The following SLC45A4 variants were observed in gnomAD, a reference collection of about 807,000 sequenced individuals.
The protein encoded by SLC45A4 is solute carrier family 45 member 4.
Under a neutral mutation model 63.7 loss-of-function variants are expected in SLC45A4, and 32 were observed. The observed-to-expected ratio is 0.50, with a 90% CI of 0.38 to 0.67. The LOEUF (loss-of-function observed/expected upper bound fraction) is 0.67. Among genes scored for constraint, SLC45A4 ranks in the 30% least tolerant of loss-of-function variants. SLC45A4 has a pLI of 0.00. For synonymous variants in SLC45A4, 535 were observed against 510.0 expected (o/e 1.05, Z -0.66); for missense variants, 1,027 against 1,157.7 (o/e 0.89, Z 1.64).
intron 1 of SLC45A4, among the ~76,000 whole-genome samples, chr8:141,304,579 GGA>G (rs1236776714): frequency 6.7e-6 from 1 of 148,454 alleles, no homozygotes; most frequent in African/African-American, 2.5e-5. Context: ...AAAAAGGGGG[GGA>G]GAGAGAGAAC....
At chr8:141,279,829 G>A (rs1829868729) in intron 1 of SLC45A4, among the ~76,000 whole-genome samples, 1 of 152,256 alleles carries the variant, frequency 6.6e-6, no homozygotes, top group Non-Finnish European at 1.5e-5. Flanking sequence ...TGTAAACAGT[G>A]CCTCAGTTTA....
chr8:141,269,046 C>T (rs1374359670), intron 1 of SLC45A4, among the ~76,000 whole-genome samples: 2 of 152,232 alleles, frequency 1.3e-5, no homozygotes, highest in Non-Finnish European at 2.9e-5. Flanking sequence ...TGGGGCTCCA[C>T]CCCAGACCCA....
chr8:141,272,967 C>A (rs374271490), intron 1 of SLC45A4, among the ~76,000 whole-genome samples: 14 of 152,264 alleles, frequency 9.2e-5, no homozygotes, highest in South Asian at 4.1e-4. Context: ...AAATAAGACA[C>A]CTTTTTAAAC....
intron 7 of SLC45A4, among the ~76,000 whole-genome samples, chr8:141,214,192 C>CAAAAA (rs11292288): frequency 1.3e-5 from 1 of 74,334 alleles, no homozygotes; most frequent in Non-Finnish European, 3.1e-5. Context: ...ACTCTGTCTC[C>CAAAAA]AAAAAAAAAA....
chr8:141,276,751 C>T (rs1275692714), intron 1 of SLC45A4, among the ~76,000 whole-genome samples: 2 of 152,218 alleles, frequency 1.3e-5, no homozygotes, highest in Non-Finnish European at 2.9e-5. Flanking sequence ...CTGAAAGAGA[C>T]CACAGGACAT....
intron 8 of SLC45A4, chr8:141,211,948 T>A (rs1294701911): frequency 7.9e-7 from 1 of 1,269,426 alleles, no homozygotes; most frequent in Non-Finnish European, 9.9e-7. Flanking sequence ...TTAAAAAAAA[T>A]ATTTCAAATG....
intron 2 of SLC45A4, among the ~76,000 whole-genome samples, chr8:141,237,797 C>T (rs1356292755): frequency 6.6e-6 from 1 of 152,190 alleles, no homozygotes; most frequent in African/African-American, 2.4e-5. Flanking sequence ...TCCAAGTGAG[C>T]TGGAGGCCTC....
chr8:141,241,697 C>T (rs1208733183), intron 2 of SLC45A4, among the ~76,000 whole-genome samples: 1 of 152,126 alleles, frequency 6.6e-6, no homozygotes, highest in Non-Finnish European at 1.5e-5. Context: ...GGTGGGCTGT[C>T]TCTCCCTTCA....
At chr8:141,305,298 G>A (rs1415239800) in intron 1 of SLC45A4, among the ~76,000 whole-genome samples, 1 of 152,174 alleles carries the variant, frequency 6.6e-6, no homozygotes, top group African/African-American at 2.4e-5. Context: ...CACTGCAGAC[G>A]CCTGCTTTTG....
intron 1 of SLC45A4, among the ~76,000 whole-genome samples, chr8:141,266,214 GTGC>G (rs1173246858): frequency 6.6e-6 from 1 of 152,158 alleles, no homozygotes; most frequent in African/African-American, 2.4e-5. Flanking sequence ...CCACAAACGT[GTGC>G]TGCCCCTTTC....
At chr8:141,269,074 A>C (rs1218354242) in intron 1 of SLC45A4, among the ~76,000 whole-genome samples, 1 of 152,204 alleles carries the variant, frequency 6.6e-6, no homozygotes, top group East Asian at 1.9e-4. Flanking sequence ...AGAGACCAAG[A>C]GTCTGCACTG....
At position 141,211,633 on chromosome 8, in the gene SLC45A4, C is replaced by T. The variant is rs918484694; in HGVS notation, c.2366G>A (p.Ser789Asn). 1 of 1,611,710 alleles carries T rather than the reference C, an allele frequency of 6.2e-7. No homozygotes were observed. Among genetic ancestry groups the T allele is most frequent in the African/African-American group, 1.3e-5 (1 of 74,834 alleles). Residue 789 changes from serine to asparagine, a missense_variant, in exon 9 of 9, where the codon AGT becomes AAT. By Grantham distance (46) the Ser-to-Asn change is conservative (BLOSUM62 1). Transcript: ENST00000517878. ...SHWLVPQLLE[S>N]IFLYDYFRKK... is the part of the protein sequence containing the mutation. ...TCTAAAATAATCATAAAGAAAAATACTCTCCAACAGCTGCGGCACCAGCCA... is the reference window on the plus strand; with the variant it reads ...TCTAAAATAATCATAAAGAAAAATATTCTCCAACAGCTGCGGCACCAGCCA...
intron 1 of SLC45A4, among the ~76,000 whole-genome samples, chr8:141,285,515 G>A (rs1830105347): frequency 6.6e-6 from 1 of 152,188 alleles, no homozygotes; most frequent in Non-Finnish European, 1.5e-5. Flanking sequence ...CAAGACCAGG[G>A]GTATAAACCG....
In SLC45A4 at chr8:141,208,855, C is replaced by T. The variant is rs1825660343; in HGVS notation, c.*2717G>A. ...GGGAAGCTCGTTAAAAGAGTCTTTA[C>T]TTAGCTGACTTGTATAGGGAACAAA... is the stretch of plus-strand genomic sequence containing the variant. On this transcript the variant is annotated 3_prime_UTR_variant, in exon 9 of 9. Coordinates refer to ENST00000517878, the MANE Select transcript of SLC45A4 (RefSeq NM_001286646.2). 6.6e-6 allele frequency: 1 copy of T among 152,290 alleles called. No individual in the cohort carries two copies. The highest frequency in any genetic ancestry group is 1.9e-4 in the East Asian group (1 of 5,198). The allele number at this position is 152,290 out of a possible 1,614,324, so 9.4% of individuals were successfully genotyped here.
At chr8:141,273,461 G>A (rs1463336905) in intron 1 of SLC45A4, among the ~76,000 whole-genome samples, 1 of 152,154 alleles carries the variant, frequency 6.6e-6, no homozygotes, top group Non-Finnish European at 1.5e-5. Flanking sequence ...GGTCTCCTCT[G>A]AGTCGCGGTT....
At position 141,215,837 on chromosome 8, in the gene SLC45A4, G is replaced by C; in HGVS notation, c.1863C>G (p.Ile621Met). The C allele has an allele frequency of 6.2e-7, 1 of 1,614,156 alleles. No individual in the cohort carries two copies. The highest frequency in any genetic ancestry group is 8.5e-7 in the Non-Finnish European group (1 of 1,180,020). ...FPNVYVAMVT[I>M]STMGIVSMSI... is the part of the protein sequence containing the mutation. ...TCATGGAGACGATGCCCATGGTGCT[G>C]ATGGTGACCATGGCGACGTAGACGT... The change falls in exon 7 of 9, where the codon ATC (isoleucine) becomes ATG (methionine). Residue 621 changes from isoleucine (I) to methionine (M), a missense_variant. Physicochemically the swap from Ile to Met is conservative, Grantham distance 10. Coordinates refer to ENST00000517878, the MANE Select transcript of SLC45A4 (RefSeq NM_001286646.2). The surrounding 1 kb of genome is among the most constrained non-coding windows in gnomAD (Gnocchi z 4.3).
At chr8:141,271,531 G>A (rs972325251) in intron 1 of SLC45A4, among the ~76,000 whole-genome samples, 2 of 152,210 alleles carry the variant, frequency 1.3e-5, no homozygotes, top group Non-Finnish European at 2.9e-5. Context: ...TACCTCGAGA[G>A]GCTGTGTGGG....
chr8:141,268,324 G>A (rs1425941803), intron 1 of SLC45A4, among the ~76,000 whole-genome samples: 2 of 152,222 alleles, frequency 1.3e-5, no homozygotes, highest in South Asian at 2.1e-4. Flanking sequence ...GAGAGGCTGA[G>A]GAGGGTGTCA....
At chr8:141,226,363 T>C (rs2043421) in intron 2 of SLC45A4, 144,365 of 152,342 alleles carry the variant, frequency 0.95, 68,733 homozygotes, top group East Asian at 1. Flanking sequence ...CCTGCTGGGG[T>C]GCTCTCAATG....
Sources: gnomAD v4.1 joint callset for allele counts (sites outside exome capture counted in the v4.1 genomes callset) on GRCh38, gnomAD v4.1.1 for gene constraint, Gnocchi (gnomAD v3.1) non-coding constraint, MANE v1.5 for transcripts, NCBI Gene and HGNC (gene_info 2026-07-23, HGNC 2026-07-21) for gene names.